Variants in CLN3 observed in about 807,000 individuals in gnomAD.
CLN3 encodes the protein battenin.
A neutral mutation model predicts 60.7 loss-of-function variants in CLN3; 49 were observed. The ratio of observed to expected loss-of-function variants is 0.81; its 90% CI spans 0.64 to 1.02. The LOEUF (loss-of-function observed/expected upper bound fraction) is 1.02, where lower values mean the gene tolerates loss of function less well. Among genes scored for constraint, CLN3 ranks in the 50% least tolerant of loss-of-function variants. CLN3 has a pLI of 0.00. For missense variants in CLN3, 516 were observed against 557.4 expected (o/e 0.93, Z 0.75); for synonymous variants, 256 against 245.8 (o/e 1.04, Z -0.39).
chr16:28,473,321 C>T (rs535704616), downstream of CLN3, among the ~76,000 whole-genome samples: 6 of 152,092 alleles, frequency 3.9e-5, no homozygotes, highest in African/African-American at 1.2e-4. Flanking sequence ...GAACTCCTGG[C>T]CCAAGTTGTC....
At chr16:28,470,771 G>A (rs973008235), downstream of CLN3, among the ~76,000 whole-genome samples, 2 of 149,802 alleles carry the variant, frequency 1.3e-5, no homozygotes, top group African/African-American at 2.4e-5. Context: ...AAGTTCTCAA[G>A]CGCTGGTGGA....
intron 3 of CLN3, among the ~76,000 whole-genome samples, chr16:28,490,791 C>T (rs547381284): frequency 1.2e-4 from 18 of 150,870 alleles, no homozygotes; most frequent in East Asian, 5.8e-4. Context: ...GGTTCAGGCC[C>T]GGCATGGTGG....
chr16:28,478,019 C>T, intron 14 of CLN3, 142 bp from the exon 15 acceptor site: 1 of 936,920 alleles, frequency 1.1e-6, no homozygotes, highest in South Asian at 1.6e-5. Flanking sequence ...CAACACCAGC[C>T]CGGTGTGGTG....
At position 28,483,999 on chromosome 16, in the gene CLN3, C is replaced by A; in HGVS notation, c.790+7G>T. Reference sequence around the variant, plus strand: ...AAGTGACCTCTCTGAGGGTCTGTGTCTCCTACCTGGCTTCGACTCCGGGGC... The same window carrying A: ...AAGTGACCTCTCTGAGGGTCTGTGTATCCTACCTGGCTTCGACTCCGGGGC... On this transcript the variant is annotated splice_region_variant and intron_variant, in intron 10 of 15. Transcript: ENST00000636147. 1 of 1,599,408 alleles carries A rather than the reference C, an allele frequency of 6.3e-7. No homozygotes were observed. The highest frequency in any genetic ancestry group is 1.1e-5 in the South Asian group (1 of 88,742).
intron 9 of CLN3, among the ~76,000 whole-genome samples, chr16:28,485,679 C>T (rs1285485107): frequency 7.7e-6 from 1 of 129,178 alleles, no homozygotes; most frequent in Non-Finnish European, 1.6e-5. Context: ...CTGGTCAACA[C>T]TGATTAAAAA....
chr16:28,491,567 GAGCGAGAA>G lies in CLN3; in HGVS notation c.47-15_47-8del. ...TCCGGGACGGTCTCCTCCCCTGGGAGAGCGAGAAGAGGGCATGACCCCCACCTACTCTC... is the reference window on the plus strand; with the variant it reads ...TCCGGGACGGTCTCCTCCCCTGGGAGGAGGGCATGACCCCCACCTACTCTC... On this transcript the variant is annotated splice_polypyrimidine_tract_variant and splice_region_variant and intron_variant, in intron 2 of 15. Coordinates refer to ENST00000636147, the MANE Select transcript of CLN3 (RefSeq NM_001042432.2). 1 of 1,614,004 alleles carries G rather than the reference GAGCGAGAA, an allele frequency of 6.2e-7. No individual in the cohort carries two copies. The highest frequency in any genetic ancestry group is 8.5e-7 in the Non-Finnish European group (1 of 1,179,998).
intron 9 of CLN3, among the ~76,000 whole-genome samples, chr16:28,485,155 G>T (rs1007763381): frequency 7.3e-5 from 11 of 151,382 alleles, no homozygotes; most frequent in Non-Finnish European, 1.5e-4. Context: ...ATATTGGCCA[G>T]GCTGGTCTCA....
In CLN3 at chr16:28,482,309, T is replaced by C. The variant is rs2141703178; in HGVS notation, c.962+18A>G. 1 of 1,612,860 alleles carries C rather than the reference T, an allele frequency of 6.2e-7. No homozygotes were observed. The highest frequency in any genetic ancestry group is 2.2e-5 in the East Asian group (1 of 44,850). ...TCACCACGGCGCCCTCCCAGCCCAC[T>C]GCCCTCGCTCCTCTTACCAGCGGTA... On this transcript the variant is annotated intron_variant, in intron 13 of 15. Transcript: ENST00000636147.
chr16:28,485,571 CAAAAA>C (rs67148714), intron 9 of CLN3, among the ~76,000 whole-genome samples: 1 of 11,768 alleles, frequency 8.5e-5, no homozygotes, highest in African/African-American at 4.5e-4. Context: ...GACTCCGTCT[CAAAAA>C]AAAAAAAAAA....
Position 28,482,375 on chromosome 16 carries a change from A to G in CLN3, c.914T>C (p.Leu305Pro). 1.9e-6 allele frequency: 3 copies of G among 1,613,986 alleles called. No homozygotes were observed. Among genetic ancestry groups the G allele is most frequent in the Non-Finnish European group, 2.5e-6 (3 of 1,180,012 alleles). ...EYFINQGLFE[L>P]LFFWNTSLSH... ...CAGGGAAGTGTTCCAGAAAAAGAGG[A>G]GTTCAAACTGCAACAAATACCAGAC... The change falls in exon 13 of 16, where the codon CTC (leucine) becomes CCC (proline). Residue 305 changes from leucine to proline, a missense_variant. Transcript: ENST00000636147.
At chr16:28,478,371 A>T (rs959647195) in intron 14 of CLN3, among the ~76,000 whole-genome samples, 17 of 150,752 alleles carry the variant, frequency 1.1e-4, no homozygotes, top group Non-Finnish European at 1.5e-4. Context: ...ATACCAGCAC[A>T]TTGGGAGACC....
rs2046239467 is a variant in CLN3, at chr16:28,487,510, C to A, written c.406G>T (p.Ala136Ser). 2.5e-6 allele frequency: 4 copies of A among 1,614,044 alleles called. No individual in the cohort carries two copies. Among genetic ancestry groups the A allele is most frequent in the South Asian group, 2.2e-5 (2 of 91,088 alleles). Residue 136 changes from alanine (A) to serine (S), a missense_variant, in exon 7 of 16, where the codon GCT becomes TCT. By Grantham distance (99) the Ala-to-Ser change is moderately conservative. Transcript: ENST00000636147. ...PRVLVSGICA[A>S]GSFVLVAFSH... ...AAGGCAACCAGGACGAAGCTTCCAGCAGCACAAATCCCACTGACGAGAACC... is the reference window on the plus strand; with the variant it reads ...AAGGCAACCAGGACGAAGCTTCCAGAAGCACAAATCCCACTGACGAGAACC...
rs868086492 is a variant in CLN3 at position 28,482,651 on chromosome 16, A to G, written c.812T>C (p.Leu271Pro). ...CTTGAACACTGTCCACCTTTCCCGA[A>G]GGGAGAGGCTGGAGCTGGAGCCTGC... ...SKPGSSSSLS[L>P]RERWTVFKGL... The change falls in exon 11 of 16, where the codon CTT becomes CCT. Residue 271 changes from leucine (L) to proline (P), a missense_variant. Leu to Pro is a moderately conservative substitution (Grantham distance 98). Transcript: ENST00000636147. 6.2e-7 allele frequency: 1 copy of G among 1,614,200 alleles called. No homozygotes were observed. The highest frequency in any genetic ancestry group is 8.5e-7 in the Non-Finnish European group (1 of 1,180,034).
At chr16:28,488,732 C>G (rs1205457221) in intron 4 of CLN3, 70 bp from the exon 5 acceptor site, 1 of 1,465,362 alleles carries the variant, frequency 6.8e-7, no homozygotes, top group Non-Finnish European at 9.6e-7. Flanking sequence ...GGCTCCCGTC[C>G]CAGCTCTGCC....
intron 7 of CLN3, 76 bp downstream of exon 7, chr16:28,487,380 C>T: frequency 8.4e-7 from 1 of 1,186,442 alleles, no homozygotes; most frequent in Non-Finnish European, 1.3e-6. Context: ...CTCTGGGAGG[C>T]TGGGGAGACT....
chr16:28,481,453 C>CAT (rs55963588), intron 14 of CLN3, among the ~76,000 whole-genome samples: 7 of 131,246 alleles, frequency 5.3e-5, no homozygotes, highest in Non-Finnish European at 1.1e-4. Context: ...CACACACACA[C>CAT]GCACACACAC....
intron 14 of CLN3, among the ~76,000 whole-genome samples, chr16:28,480,213 ATTTTT>A (rs139457431): frequency 6.8e-6 from 1 of 147,564 alleles, no homozygotes; most frequent in Non-Finnish European, 1.5e-5. Context: ...CACCTGGCTT[ATTTTT>A]TTTTTTAATT....
downstream of CLN3, chr16:28,475,436 A>G (rs985110887): frequency 7.2e-5 from 11 of 152,344 alleles, 1 homozygote; most frequent in African/African-American, 2.4e-4. Flanking sequence ...TGGTGCTACT[A>G]TTATCCCATT....
At chr16:28,477,089 TCA>T, downstream of CLN3, 1 of 265,476 alleles carries the variant, frequency 3.8e-6, no homozygotes, top group Admixed American at 5.0e-5. Context: ...TGAGCCAAGA[TCA>T]CGCCATTGCA....
Sources: gnomAD v4.1 joint callset for allele counts (sites outside exome capture counted in the v4.1 genomes callset) on GRCh38, gnomAD v4.1.1 for gene constraint, MANE v1.5 for transcripts, NCBI Gene and HGNC (gene_info 2026-07-23, HGNC 2026-07-21) for gene names.